Variants in CACNA1D observed in about 807,000 individuals in gnomAD.
CACNA1D encodes calcium voltage-gated channel subunit alpha1 D.
A neutral mutation model predicts 257.1 loss-of-function variants in CACNA1D; 55 were observed. That is an observed-to-expected ratio of 0.21 (90% confidence interval 0.17 to 0.27). The LOEUF is 0.27. CACNA1D is among the 10% of genes least tolerant of loss of function. The pLI, the probability that CACNA1D is intolerant of heterozygous loss-of-function variation, is 1.00. For missense variants in CACNA1D, 1,876 were observed against 2,784.0 expected (o/e 0.67, Z 7.34); for synonymous variants, 980 against 1,014.9 (o/e 0.97, Z 0.65).
chr3:53,782,836 C>T (rs944397986), intron 39 of CACNA1D: 4 of 152,184 alleles, frequency 2.6e-5, no homozygotes, highest in African/African-American at 4.8e-5. Flanking sequence ...ACAGGAGAAC[C>T]GATACTGCAC....
chr3:53,673,030 A>G lies in CACNA1D; in HGVS notation c.1124A>G (p.Asp375Gly). The G allele has an allele frequency of 6.4e-7, 1 of 1,550,674 alleles. No homozygotes were observed. Among genetic ancestry groups the G allele is most frequent in the Non-Finnish European group, 8.7e-7 (1 of 1,145,962 alleles). ...GWTDVLYWMN[D>G]AMGFELPWVY... The stretch of plus-strand genomic sequence containing the variant: ...CCATCTTATTTCTTGCAGATGAATG[A>G]TGCTATGGGATTTGAATTGCCCTGG... The change falls in exon 8 of 48, where the codon GAT becomes GGT. Residue 375 changes from aspartate (D) to glycine (G), a missense_variant. By Grantham distance (94) the Asp-to-Gly change is moderately conservative (BLOSUM62 -1). This residue lies in a region of CACNA1D where 188 missense variants were observed against 390.4 expected (regional missense o/e 0.48). Transcript: ENST00000350061. This position sits in a 1 kb window ranked among gnomAD's most constrained non-coding sequence, Gnocchi z 4.1.
intron 3 of CACNA1D, among the ~76,000 whole-genome samples, chr3:53,577,662 A>G (rs2093061283): frequency 6.6e-6 from 1 of 152,062 alleles, no homozygotes; most frequent in South Asian, 2.1e-4. Flanking sequence ...TCACCAGGGG[A>G]AGTGGAGGGA....
intron 20 of CACNA1D, among the ~76,000 whole-genome samples, chr3:53,735,806 T>C (rs1038936167): frequency 6.6e-6 from 1 of 152,218 alleles, no homozygotes; most frequent in African/African-American, 2.4e-5. Flanking sequence ...AGGTCCTCCT[T>C]TCCCTCCCTG....
chr3:53,537,428 C>A (rs1241177096), intron 3 of CACNA1D, among the ~76,000 whole-genome samples: 1 of 152,114 alleles, frequency 6.6e-6, no homozygotes, highest in Admixed American at 6.5e-5. Flanking sequence ...TCAGGTATAT[C>A]ATTTTTTTCT....
At chr3:53,803,295 G>A (rs1182124516) in intron 43 of CACNA1D, 128 bp from the exon 44 acceptor site, 1 of 960,514 alleles carries the variant, frequency 1.0e-6, no homozygotes, top group Non-Finnish European at 1.7e-6. Flanking sequence ...AGTGCTGCCT[G>A]AGGCAGGTGC....
intron 8 of CACNA1D, among the ~76,000 whole-genome samples, chr3:53,693,050 A>G (rs1298549066): frequency 6.6e-6 from 1 of 152,164 alleles, no homozygotes; most frequent in Non-Finnish European, 1.5e-5. Flanking sequence ...CTCAAAACTA[A>G]AAGTAAAAAT....
intron 8 of CACNA1D, among the ~76,000 whole-genome samples, chr3:53,701,765 C>T (rs1467006897): frequency 1.3e-5 from 2 of 152,210 alleles, no homozygotes; most frequent in African/African-American, 4.8e-5. Flanking sequence ...TCAGGCTTGC[C>T]TGAGTATGTG....
intron 40 of CACNA1D, chr3:53,791,120 A>G (rs1397982648): frequency 1.0e-5 from 7 of 691,650 alleles, no homozygotes; most frequent in Admixed American, 4.1e-5. Flanking sequence ...TTCAGAAGAA[A>G]TGCAGGAAAA....
chr3:53,653,818 A>G (rs1449933387), intron 4 of CACNA1D, among the ~76,000 whole-genome samples: 1 of 152,158 alleles, frequency 6.6e-6, no homozygotes, highest in Non-Finnish European at 1.5e-5. Flanking sequence ...ATGTGATGAA[A>G]AATGAAACTC....
At chr3:53,808,393 G>A (rs1471453092) in intron 45 of CACNA1D, 7 of 439,448 alleles carry the variant, frequency 1.6e-5, no homozygotes, top group South Asian at 8.5e-5. Flanking sequence ...CAGCCTGGGC[G>A]ACAGAGCCAG....
Position 53,497,564 on chromosome 3 carries a change from T to G in CACNA1D, c.377+103T>G, listed in dbSNP as rs559898422. On this transcript the variant is annotated intron_variant, in intron 2 of 47. Transcript: ENST00000350061. ...GACACAAAGCTGTAGCAGTCTGGAATGCGAGTAACAGAAGTTGTATATAAG... is the reference window on the plus strand; with the variant it reads ...GACACAAAGCTGTAGCAGTCTGGAAGGCGAGTAACAGAAGTTGTATATAAG... 1.1e-4 allele frequency: 134 copies of G among 1,204,596 alleles called. No homozygotes were observed. In the African/African-American group the frequency reaches 1.9e-3, roughly 17 times the overall value. The allele number at this position is 1,204,596 out of a possible 1,614,324, so 74.6% of individuals were successfully genotyped here. A position where few individuals can be genotyped will look rare whatever the true frequency, so the allele number is the denominator to read the frequency against.
In CACNA1D at chr3:53,744,650, TA is replaced by T. The variant is rs2095150379; in HGVS notation, c.2919-87del. On this transcript the variant is annotated intron_variant, in intron 22 of 47. Transcript: ENST00000350061. ...TCCCACGCTAACTGTGCAGGGATAC[TA>T]AAGTGAAGATCCAGTGAAAGGGTGA... 98 of 813,566 alleles carry T rather than the reference TA, an allele frequency of 1.2e-4. 3 individuals are homozygous for T. In the South Asian group the frequency reaches 1.3e-3, roughly 11 times the overall value. 50.4% of individuals were successfully genotyped at this position (813,566 alleles called of 1,614,324 possible). A position where few individuals can be genotyped will look rare whatever the true frequency, so the allele number is the denominator to read the frequency against.
chr3:53,600,865 G>T (rs2093432381), intron 3 of CACNA1D, among the ~76,000 whole-genome samples: 1 of 152,132 alleles, frequency 6.6e-6, no homozygotes, highest in African/African-American at 2.4e-5. Context: ...TGAAGGACTT[G>T]GTTCTGAATG....
chr3:53,597,610 C>T (rs2093386498), intron 3 of CACNA1D, among the ~76,000 whole-genome samples: 1 of 152,176 alleles, frequency 6.6e-6, no homozygotes, highest in Non-Finnish European at 1.5e-5. Flanking sequence ...ATTTTTAGCT[C>T]CTTTCCCATC....
intron 16 of CACNA1D, 161 bp from the exon 17 acceptor site, chr3:53,730,916 G>A (rs1469672424): frequency 3.2e-6 from 2 of 625,544 alleles, no homozygotes; most frequent in African/African-American, 3.7e-5. Flanking sequence ...AGATTACCAG[G>A]AAGCTCTGAG....
chr3:53,763,216 G>A (rs2095313834), intron 30 of CACNA1D, among the ~76,000 whole-genome samples: 1 of 152,190 alleles, frequency 6.6e-6, no homozygotes, highest in Non-Finnish European at 1.5e-5. Context: ...GGGAAAAGAG[G>A]GCCGAGTGCA....
At chr3:53,721,962 A>G (rs1296777990) in intron 11 of CACNA1D, among the ~76,000 whole-genome samples, 2 of 152,224 alleles carry the variant, frequency 1.3e-5, no homozygotes, top group Non-Finnish European at 2.9e-5. Flanking sequence ...TAGGAACTGC[A>G]TATGTGTGCA....
At chr3:53,706,912 C>T (rs2633728) in intron 9 of CACNA1D, among the ~76,000 whole-genome samples, 1 of 151,980 alleles carries the variant, frequency 6.6e-6, no homozygotes, top group Non-Finnish European at 1.5e-5. Flanking sequence ...TGAAGGTTCT[C>T]CTAGACCGCT....
At chr3:53,607,082 A>C (rs2093520199) in intron 3 of CACNA1D, among the ~76,000 whole-genome samples, 1 of 152,234 alleles carries the variant, frequency 6.6e-6, no homozygotes, top group Non-Finnish European at 1.5e-5. Context: ...TTGGCTATGA[A>C]AAATAACCAG....
Sources: gnomAD v4.1 joint callset for allele counts (sites outside exome capture counted in the v4.1 genomes callset) on GRCh38, gnomAD v4.1.1 for gene constraint, gnomAD v4.1.1 regional missense constraint, Gnocchi (gnomAD v3.1) non-coding constraint, MANE v1.5 for transcripts, NCBI Gene and HGNC (gene_info 2026-07-23, HGNC 2026-07-21) for gene names.